NGEF: variants seen among roughly 807,000 people sequenced by gnomAD.
NGEF encodes ephexin-1.
A neutral mutation model predicts 80.9 loss-of-function variants in NGEF; 31 were observed. The ratio of observed to expected loss-of-function variants is 0.38; its 90% confidence interval spans 0.29 to 0.52. The LOEUF (loss-of-function observed/expected upper bound fraction) is 0.52, where lower values mean the gene tolerates loss of function less well. Among genes scored for constraint, NGEF ranks in the 20% least tolerant of loss-of-function variants. NGEF has a pLI of 0.84. For synonymous variants in NGEF, 371 were observed against 370.2 expected (o/e 1.00, Z -0.03); for missense variants, 709 against 926.2 (o/e 0.77, Z 3.04).
intron 5 of NGEF, 116 bp downstream of exon 5, chr2:232,920,168 C>T (rs1280245642): frequency 3.0e-5 from 29 of 970,308 alleles, no homozygotes; most frequent in Non-Finnish European, 2.6e-5. Flanking sequence ...ACCCTGCCAG[C>T]GATTCCTCTG....
chr2:232,989,309 A>G (rs1318169805), intron 1 of NGEF, among the ~76,000 whole-genome samples: 1 of 152,078 alleles, frequency 6.6e-6, no homozygotes, highest in Non-Finnish European at 1.5e-5. Context: ...TTAGCCAGGC[A>G]TGGTGGTGCA....
At chr2:233,006,221 T>C (rs1290908086) in intron 1 of NGEF, among the ~76,000 whole-genome samples, 1 of 152,220 alleles carries the variant, frequency 6.6e-6, no homozygotes, top group Non-Finnish European at 1.5e-5. Flanking sequence ...TTCACCATTA[T>C]TGAGTTCCCC....
intron 14 of NGEF, among the ~76,000 whole-genome samples, chr2:232,880,538 C>T (rs911068542): frequency 6.6e-6 from 1 of 152,238 alleles, no homozygotes; most frequent in Non-Finnish European, 1.5e-5. Context: ...GGAGAGGAAG[C>T]AGGGAAGATG....
chr2:232,908,750 G>GT (rs796680966), intron 5 of NGEF, among the ~76,000 whole-genome samples: 343 of 145,016 alleles, frequency 2.4e-3, no homozygotes, highest in African/African-American at 7.2e-3. Flanking sequence ...TTGGTTTTTT[G>GT]TTTTTTTTTT....
At chr2:232,979,707 C>T (rs1694370397) in intron 1 of NGEF, among the ~76,000 whole-genome samples, 1 of 152,154 alleles carries the variant, frequency 6.6e-6, no homozygotes, top group African/African-American at 2.4e-5. Flanking sequence ...CATTCACACC[C>T]CCTGAGCACC....
At chr2:233,012,669 GC>G (rs1232197988) in intron 1 of NGEF, 2 of 359,698 alleles carry the variant, frequency 5.6e-6, no homozygotes, top group Non-Finnish European at 1.1e-5. Flanking sequence ...CTTAGAAGGT[GC>G]CCCGGCTTGC....
intron 1 of NGEF, among the ~76,000 whole-genome samples, chr2:232,975,941 C>T (rs898574794): frequency 2.6e-5 from 4 of 152,188 alleles, no homozygotes; most frequent in Non-Finnish European, 5.9e-5. Flanking sequence ...AGGCACCGGC[C>T]TATAATCCTA....
chr2:232,906,005 C>G (rs528746158), intron 5 of NGEF, among the ~76,000 whole-genome samples: 1 of 130,988 alleles, frequency 7.6e-6, no homozygotes, highest in East Asian at 2.4e-4. Context: ...CCAGCCGCCC[C>G]GTCCGGGAGG....
chr2:232,913,083 A>G lies in NGEF; in HGVS notation c.828+7201T>C, dbSNP rs1289923398. Among the ~76,000 whole-genome samples the G allele has an allele frequency of 2.6e-5, 4 of 152,154 alleles. No individual in the cohort carries two copies. The East Asian group carries it at 7.7e-4, about 29-fold the overall frequency. ...TTCCTAGCCCAGTTTCTTAATATGA[A>G]AGCTTAGGCTATTGTTTTGAAAGCT... On this transcript the variant is annotated intron_variant, in intron 5 of 14. Coordinates refer to ENST00000264051, the MANE Select transcript of NGEF (RefSeq NM_019850.3).
chr2:232,966,176 C>A (rs183017350), intron 3 of NGEF, among the ~76,000 whole-genome samples: 14 of 152,172 alleles, frequency 9.2e-5, no homozygotes, highest in Non-Finnish European at 1.2e-4. Flanking sequence ...CTCCCCACCC[C>A]CCAGCTGCTG....
intron 1 of NGEF, among the ~76,000 whole-genome samples, chr2:232,993,272 G>A (rs529006005): frequency 3.3e-5 from 2 of 61,272 alleles, no homozygotes; most frequent in African/African-American, 1.4e-4. Flanking sequence ...TATATGAATT[G>A]GCATGTCTCC....
Position 232,883,917 on chromosome 2 carries a change from A to C in NGEF, c.1601+64T>G, listed in dbSNP as rs1691593548. ...CACCCCCAACCCCCAGGCCACAATC[A>C]AACCCAATGCCCAACACACTCCTCT... On this transcript the variant is annotated intron_variant, in intron 11 of 14. Transcript: ENST00000264051. 3 of 1,492,142 alleles carry C rather than the reference A, an allele frequency of 2.0e-6. No individual in the cohort carries two copies. In the South Asian group the frequency reaches 4.1e-5, roughly 20 times the overall value. 92.4% of individuals were successfully genotyped at this position (1,492,142 alleles called of 1,614,324 possible).
At chr2:232,895,393 A>G (rs1176166633) in intron 5 of NGEF, among the ~76,000 whole-genome samples, 1 of 151,988 alleles carries the variant, frequency 6.6e-6, no homozygotes, top group Non-Finnish European at 1.5e-5. Context: ...TGGGTGTGGT[A>G]GCACATGCCT....
intron 1 of NGEF, among the ~76,000 whole-genome samples, chr2:232,991,785 A>C (rs1396858265): frequency 1.3e-5 from 2 of 152,234 alleles, no homozygotes; most frequent in African/African-American, 2.4e-5. Context: ...ATGCCAAAAC[A>C]ATCAAAGAAC....
intron 1 of NGEF, among the ~76,000 whole-genome samples, chr2:232,990,280 T>C (rs1694624687): frequency 6.6e-6 from 1 of 152,006 alleles, no homozygotes; most frequent in Non-Finnish European, 1.5e-5. Flanking sequence ...ACTATAGTAT[T>C]ATAGTAACAA....
rs1381863080 is a variant in NGEF at position 232,899,966 on chromosome 2, T to A, written c.829-5050A>T. On this transcript the variant is annotated intron_variant, in intron 5 of 14. Transcript: ENST00000264051. ...CTTACACACATGCTCTCACAGTCAC[T>A]CATATACACATTCACTCATTCACTC... Among the ~76,000 whole-genome samples, 3 of 98,070 alleles carry A rather than the reference T, an allele frequency of 3.1e-5. 1 individual carries two copies. The highest frequency in any genetic ancestry group is 4.5e-5 in the African/African-American group (1 of 22,224). 64.3% of individuals were successfully genotyped at this position (98,070 alleles called of 152,430 possible).
At chr2:232,905,449 C>T (rs1361247097) in intron 5 of NGEF, among the ~76,000 whole-genome samples, 1 of 152,164 alleles carries the variant, frequency 6.6e-6, no homozygotes, top group African/African-American at 2.4e-5. Flanking sequence ...TCTCGGCTCG[C>T]TACAACCTCC....
chr2:232,944,726 AAT>A (rs57851903), intron 3 of NGEF, among the ~76,000 whole-genome samples: 5,378 of 108,256 alleles, frequency 0.05, 160 homozygotes, highest in East Asian at 0.065. Context: ...GACTTTTCCG[AAT>A]ATATATATAT....
intron 5 of NGEF, among the ~76,000 whole-genome samples, chr2:232,907,188 GAAA>G (rs10654316): frequency 3.5e-5 from 4 of 113,160 alleles, no homozygotes; most frequent in Non-Finnish European, 5.2e-5. Flanking sequence ...AGAAAAAAAA[GAAA>G]AAAAAAAAAA....
Sources: allele counts gnomAD v4.1 joint callset (sites outside exome capture counted in the v4.1 genomes callset), GRCh38; gene constraint gnomAD v4.1.1; transcripts MANE v1.5; gene names NCBI Gene and HGNC (gene_info 2026-07-23, HGNC 2026-07-21).